ZFHX3: variants seen among roughly 807,000 people sequenced by gnomAD.
ZFHX3 encodes zinc finger homeobox 3.
ZFHX3 carries 42 observed loss-of-function variants against 279.1 expected under a neutral mutation model. That is an observed-to-expected ratio of 0.15 (90% CI 0.12 to 0.19). The LOEUF (loss-of-function observed/expected upper bound fraction) is 0.19. Ranked by LOEUF, ZFHX3 falls within the 10% of genes least tolerant of loss-of-function variation. The pLI is 1.00. For missense variants in ZFHX3, 4,981 were observed against 4,754.0 expected (o/e 1.05, Z -1.40); for synonymous variants, 2,293 against 1,957.8 (o/e 1.17, Z -4.52).
At chr16:73,152,613 T>C (rs1272656513) in intron 5 of ZFHX3, among the ~76,000 whole-genome samples, 1 of 84,482 alleles carries the variant, frequency 1.2e-5, no homozygotes, top group African/African-American at 5.6e-5. Context: ...GCCTGTAGCA[T>C]TTTTCTTTCT....
chr16:73,794,586 G>T (rs1379589883), intron 1 of ZFHX3, among the ~76,000 whole-genome samples: 1 of 152,082 alleles, frequency 6.6e-6, no homozygotes, highest in African/African-American at 2.4e-5. Flanking sequence ...AGGGGACATA[G>T]GGACCCCCCC....
intron 5 of ZFHX3, among the ~76,000 whole-genome samples, chr16:73,182,200 T>C (rs1967811280): frequency 6.6e-6 from 1 of 152,214 alleles, no homozygotes; most frequent in Non-Finnish European, 1.5e-5. Context: ...CTCACGCCTG[T>C]AATCCAAGCA....
intron 2 of ZFHX3, among the ~76,000 whole-genome samples, chr16:73,622,714 G>C (rs1057027513): frequency 6.6e-6 from 1 of 152,136 alleles, no homozygotes; most frequent in Non-Finnish European, 1.5e-5. Flanking sequence ...GTGACACTCT[G>C]GTATCGCCCC....
chr16:73,733,697 G>A (rs564245926), intron 1 of ZFHX3, among the ~76,000 whole-genome samples: 1 of 151,960 alleles, frequency 6.6e-6, no homozygotes, highest in African/African-American at 2.4e-5. Context: ...AATTTTAGTT[G>A]CGTTTTGTTC....
In ZFHX3 at chr16:72,928,192, G is replaced by A. The variant is rs530729832; in HGVS notation, c.3216+22277C>T. Among the ~76,000 whole-genome samples, 6 of 55,006 alleles carry A rather than the reference G, an allele frequency of 1.1e-4. No homozygotes were observed. The East Asian group carries it at 2.0e-3, about 18-fold the overall frequency. The allele number at this position is 55,006 out of a possible 152,430, so 36.1% of individuals were successfully genotyped here. On this transcript the variant is annotated intron_variant, in intron 3 of 9. Coordinates refer to ENST00000268489, the MANE Select transcript of ZFHX3 (RefSeq NM_006885.4). ...GGAGGGGGAGGGGAGAGAGGGAGGGGGAGGGGAGCGAGGGGGAGCGAAGGG... is the reference window on the plus strand; with the variant it reads ...GGAGGGGGAGGGGAGAGAGGGAGGGAGAGGGGAGCGAGGGGGAGCGAAGGG...
chr16:73,554,503 G>A (rs920366127), intron 2 of ZFHX3: 3 of 152,222 alleles, frequency 2.0e-5, no homozygotes, highest in African/African-American at 7.2e-5. Context: ...GCTGTAGACA[G>A]ACCTCAGTCT....
chr16:73,653,200 A>G (rs1326568232), intron 2 of ZFHX3, among the ~76,000 whole-genome samples: 1 of 152,212 alleles, frequency 6.6e-6, no homozygotes, highest in African/African-American at 2.4e-5. Flanking sequence ...AAAGTCAATG[A>G]GAATAAAGAA....
intron 1 of ZFHX3, among the ~76,000 whole-genome samples, chr16:73,756,441 A>C (rs1420883506): frequency 1.3e-5 from 2 of 152,254 alleles, no homozygotes; most frequent in East Asian, 3.9e-4. Context: ...GCCGGGCCTG[A>C]GATCATTCAC....
chr16:73,525,358 C>A (rs117284920), intron 2 of ZFHX3, among the ~76,000 whole-genome samples: 11 of 152,188 alleles, frequency 7.2e-5, no homozygotes, highest in African/African-American at 2.6e-4. Context: ...GAAAGGGACG[C>A]GATTTGTTTG....
chr16:73,792,024 A>G (rs1168540023), intron 1 of ZFHX3, among the ~76,000 whole-genome samples: 3 of 152,208 alleles, frequency 2.0e-5, no homozygotes, highest in African/African-American at 7.2e-5. Context: ...AGCCAGAATG[A>G]AGAATCAAAA....
intron 2 of ZFHX3, among the ~76,000 whole-genome samples, chr16:73,550,995 C>G (rs1462247919): frequency 6.6e-6 from 1 of 152,118 alleles, no homozygotes; most frequent in African/African-American, 2.4e-5. Context: ...TAACAAAAAC[C>G]AAGTCTTTGT....
intron 4 of ZFHX3, among the ~76,000 whole-genome samples, chr16:73,315,841 T>C (rs574963576): frequency 6.6e-6 from 1 of 152,338 alleles, no homozygotes; most frequent in Admixed American, 6.5e-5. Flanking sequence ...TTCAGTTATG[T>C]GTAAGAGAAG....
chr16:73,185,184 A>G (rs777065120), intron 5 of ZFHX3, among the ~76,000 whole-genome samples: 10 of 152,192 alleles, frequency 6.6e-5, no homozygotes, highest in Non-Finnish European at 1.3e-4. Flanking sequence ...GCTGTGCTTT[A>G]TAAGAGCCAT....
intron 2 of ZFHX3, among the ~76,000 whole-genome samples, chr16:73,627,614 G>T (rs545908758): frequency 1.3e-5 from 2 of 152,246 alleles, no homozygotes; most frequent in South Asian, 4.1e-4. Flanking sequence ...AAGTCTTGAC[G>T]TGCTTTAAGA....
chr16:73,776,006 T>C (rs534663770), intron 1 of ZFHX3, among the ~76,000 whole-genome samples: 1 of 152,318 alleles, frequency 6.6e-6, no homozygotes, highest in South Asian at 2.1e-4. Flanking sequence ...ACTAAATTCT[T>C]GCTTTTGTGT....
chr16:73,378,665 T>G (rs2016766823), intron 3 of ZFHX3, among the ~76,000 whole-genome samples: 1 of 152,234 alleles, frequency 6.6e-6, no homozygotes, highest in Non-Finnish European at 1.5e-5. Flanking sequence ...CAGTATTCTC[T>G]TCCACCATAA....
chr16:73,630,826 T>C (rs1300251138), intron 2 of ZFHX3, among the ~76,000 whole-genome samples: 2 of 152,202 alleles, frequency 1.3e-5, no homozygotes, highest in Non-Finnish European at 2.9e-5. Context: ...TCTTGCTATT[T>C]AAATATGTTT....
chr16:73,075,854 A>G (rs1216782453), intron 8 of ZFHX3, among the ~76,000 whole-genome samples: 1 of 151,850 alleles, frequency 6.6e-6, no homozygotes, highest in Non-Finnish European at 1.5e-5. Flanking sequence ...TTGGTCTCGA[A>G]CTCCTGACCT....
At chr16:73,570,105 C>G (rs889916905) in intron 2 of ZFHX3, among the ~76,000 whole-genome samples, 11 of 152,302 alleles carry the variant, frequency 7.2e-5, no homozygotes, top group South Asian at 2.1e-4. Flanking sequence ...AACAAAGCTT[C>G]TTTGAAACAT....
Sources: allele counts gnomAD v4.1 joint callset (sites outside exome capture counted in the v4.1 genomes callset), GRCh38; gene constraint gnomAD v4.1.1; transcripts MANE v1.5; gene names NCBI Gene and HGNC (gene_info 2026-07-23, HGNC 2026-07-21).